Variants in NADSYN1 observed in about 807,000 individuals in gnomAD.
NADSYN1 encodes the protein glutamine-dependent NAD(+) synthetase.
Under a neutral mutation model 99.3 loss-of-function variants are expected in NADSYN1, and 80 were observed. That is an observed-to-expected ratio of 0.81 (90% CI 0.67 to 0.97). NADSYN1 has a LOEUF of 0.97. Among genes scored for constraint, NADSYN1 ranks in the 50% least tolerant of loss-of-function variants. The pLI, the probability that NADSYN1 is intolerant of heterozygous loss-of-function variation, is 0.00. For synonymous variants in NADSYN1, 385 were observed against 372.1 expected (o/e 1.03, Z -0.40); for missense variants, 859 against 948.5 (o/e 0.91, Z 1.24).
At chr11:71,455,200 G>C (rs138071398) in intron 2 of NADSYN1, 30 bp downstream of exon 2, 1 of 1,575,978 alleles carries the variant, frequency 6.3e-7, no homozygotes, top group East Asian at 2.2e-5. Flanking sequence ...CCCTGGGGTC[G>C]TCAGCTAGCG....
intron 17 of NADSYN1, 58 bp downstream of exon 17, chr11:71,491,034 C>T: frequency 6.2e-7 from 1 of 1,604,742 alleles, no homozygotes; most frequent in Middle Eastern, 1.7e-4. Context: ...CCAGCACGGC[C>T]CCGGCCACCC....
chr11:71,489,622 T>C (rs1893058), intron 16 of NADSYN1, among the ~76,000 whole-genome samples: 12,619 of 152,222 alleles, frequency 0.083, 631 homozygotes, highest in African/African-American at 0.14. Flanking sequence ...CTGAAGGAGC[T>C]TTGGACGGGA....
intron 3 of NADSYN1, 172 bp downstream of exon 3, chr11:71,458,716 C>T: frequency 1.7e-6 from 1 of 574,030 alleles, no homozygotes; most frequent in Non-Finnish European, 3.1e-6. Flanking sequence ...CGTAAGCCAC[C>T]TCATTTCCCC....
rs778850761 is a variant in NADSYN1 at position 71,455,133 on chromosome 11, G to A, written c.109G>A (p.Gly37Arg). The A allele has an allele frequency of 1.9e-6, 3 of 1,614,012 alleles. No homozygotes were observed. Among genetic ancestry groups the A allele is most frequent in the Non-Finnish European group, 2.5e-6 (3 of 1,179,960 alleles). ...LKSIEIAKNR[G>R]ARYRLGPELE... ...AGGTATTGAAATTGCCAAAAACAGAGGAGCAAGATACAGGCTTGGACCAGA... is the reference window on the plus strand; with the variant it reads ...AGGTATTGAAATTGCCAAAAACAGAAGAGCAAGATACAGGCTTGGACCAGA... The change falls in exon 2 of 21, where the codon GGA becomes AGA. Residue 37 changes from glycine (G) to arginine (R), a missense_variant. By Grantham distance (125) the Gly-to-Arg change is moderately radical (BLOSUM62 -2). Transcript: ENST00000319023.
intron 16 of NADSYN1, among the ~76,000 whole-genome samples, chr11:71,487,499 G>T (rs1012713657): frequency 6.6e-6 from 1 of 152,090 alleles, no homozygotes; most frequent in African/African-American, 2.4e-5. Context: ...GGTGGGATTG[G>T]GTTCTGGGAG....
At chr11:71,469,926 A>AG (rs952746257) in intron 5 of NADSYN1, among the ~76,000 whole-genome samples, 4 of 94,530 alleles carry the variant, frequency 4.2e-5, no homozygotes, top group Non-Finnish European at 8.9e-5. Flanking sequence ...AGCCTGTCTC[A>AG]GAAAAAAAAA....
rs1007436095 is a variant in NADSYN1 at position 71,474,541 on chromosome 11, T to C, written c.798+15T>C. The C allele has an allele frequency of 2.5e-6, 4 of 1,613,846 alleles. No individual in the cohort carries two copies. Among genetic ancestry groups the C allele is most frequent in the Non-Finnish European group, 3.4e-6 (4 of 1,179,886 alleles). On this transcript the variant is annotated intron_variant, in intron 9 of 20. Coordinates refer to ENST00000319023, the MANE Select transcript of NADSYN1 (RefSeq NM_018161.5). ...TGGATGACGTGGTAATGAGCGGGCC[T>C]GGACATGCCTGGGGGAGGGTTCTCT... is the stretch of plus-strand genomic sequence containing the variant.
chr11:71,500,126 C>T (rs970773502), intron 20 of NADSYN1: 1 of 152,226 alleles, frequency 6.6e-6, no homozygotes, highest in Non-Finnish European at 1.5e-5. Context: ...CCTTCCAGCA[C>T]CTGTGAGACC....
intron 8 of NADSYN1, 115 bp from the exon 9 acceptor site, chr11:71,474,280 G>A (rs758926075): frequency 7.6e-5 from 104 of 1,375,978 alleles, no homozygotes; most frequent in Non-Finnish European, 1.0e-4. Flanking sequence ...CTGCGGTGGT[G>A]GGACCACTCA....
At chr11:71,459,133 A>T (rs946949854) in intron 3 of NADSYN1, 2 of 152,540 alleles carry the variant, frequency 1.3e-5, no homozygotes, top group African/African-American at 2.7e-5. Flanking sequence ...AGGCCTCTGC[A>T]CACGCTGTGC....
intron 15 of NADSYN1, 108 bp downstream of exon 15, chr11:71,484,555 G>C: frequency 7.0e-7 from 1 of 1,428,678 alleles, no homozygotes; most frequent in South Asian, 1.4e-5. Context: ...TCTCCATGAA[G>C]CTCATGGCAC....
intron 16 of NADSYN1, among the ~76,000 whole-genome samples, chr11:71,490,359 T>A (rs1949770599): frequency 6.6e-6 from 1 of 152,126 alleles, no homozygotes; most frequent in Non-Finnish European, 1.5e-5. Context: ...CCCAGCTGAG[T>A]CCATCTGCAA....
At chr11:71,467,453 T>C (rs1949599982) in intron 5 of NADSYN1, among the ~76,000 whole-genome samples, 1 of 152,000 alleles carries the variant, frequency 6.6e-6, no homozygotes, top group South Asian at 2.1e-4. Context: ...GCAAAAAAAA[T>C]ACAGTAGACG....
chr11:71,465,444 C>G (rs1949581599), intron 5 of NADSYN1, among the ~76,000 whole-genome samples: 1 of 152,200 alleles, frequency 6.6e-6, no homozygotes, highest in South Asian at 2.1e-4. Context: ...TCACATGGAA[C>G]TCTCAGTCAT....
intron 3 of NADSYN1, among the ~76,000 whole-genome samples, chr11:71,462,809 A>T (rs1403997739): frequency 6.6e-6 from 1 of 151,964 alleles, no homozygotes; most frequent in Non-Finnish European, 1.5e-5. Flanking sequence ...TGCCCCTATG[A>T]GGGTCATCTT....
chr11:71,460,452 G>A (rs556962374), intron 3 of NADSYN1, among the ~76,000 whole-genome samples: 1 of 152,360 alleles, frequency 6.6e-6, no homozygotes, highest in South Asian at 2.1e-4. Context: ...CTGGGCTTGA[G>A]TGATCCGTCC....
At chr11:71,458,754 A>C in intron 3 of NADSYN1, 1 of 535,778 alleles carries the variant, frequency 1.9e-6, no homozygotes, top group East Asian at 3.1e-5. Context: ...TGAAAGCAGG[A>C]TGTGTCAGTT....
chr11:71,454,829 C>T (rs1292840618), intron 1 of NADSYN1, among the ~76,000 whole-genome samples: 1 of 152,198 alleles, frequency 6.6e-6, no homozygotes, highest in Non-Finnish European at 1.5e-5. Flanking sequence ...GACCTGCAAG[C>T]CCTCCCTGTT....
At chr11:71,470,747 A>G (rs1591125906) in intron 5 of NADSYN1, among the ~76,000 whole-genome samples, 2 of 152,278 alleles carry the variant, frequency 1.3e-5, no homozygotes, top group East Asian at 3.9e-4. Context: ...TTATTTCAGG[A>G]AAGTTTACCT....
Sources: allele counts gnomAD v4.1 joint callset (sites outside exome capture counted in the v4.1 genomes callset), GRCh38; gene constraint gnomAD v4.1.1; transcripts MANE v1.5; gene names NCBI Gene and HGNC (gene_info 2026-07-23, HGNC 2026-07-21).